Variants in XKR7 observed in about 807,000 individuals in gnomAD.
XKR7 encodes the protein XK related 7, also known as XK-related protein 7.
Under a neutral mutation model 42.2 loss-of-function variants are expected in XKR7, and 11 were observed. The observed-to-expected ratio is 0.26, with a 90% CI of 0.16 to 0.43. The LOEUF (loss-of-function observed/expected upper bound fraction) is 0.43, where lower values mean the gene tolerates loss of function less well. Ranked by LOEUF, XKR7 falls within the 20% of genes least tolerant of loss-of-function variation. The pLI, the probability that XKR7 is intolerant of heterozygous loss-of-function variation, is 1.00. For missense variants in XKR7, 710 were observed against 802.2 expected, an observed-to-expected ratio of 0.89 and a Z score of 1.39; for synonymous variants, 346 against 366.4, an observed-to-expected ratio of 0.94 and a Z score of 0.64.
chr20:31,993,234 G>A (rs1246755617), intron 1 of XKR7, among the ~76,000 whole-genome samples: 1 of 152,076 alleles, frequency 6.6e-6, no homozygotes, highest in African/African-American at 2.4e-5. Flanking sequence ...GGGAGCCGGC[G>A]GGAGTAGGGG....
In XKR7 at chr20:31,995,385, C is replaced by T; in HGVS notation, c.787+115C>T. 1 of 1,489,214 alleles carries T rather than the reference C, an allele frequency of 6.7e-7. No homozygotes were observed. The highest frequency in any genetic ancestry group is 2.4e-5 in the Admixed American group (1 of 41,624). The allele number at this position is 1,489,214 out of a possible 1,614,324, so 92.3% of individuals were successfully genotyped here. On this transcript the variant is annotated intron_variant, in intron 2 of 2. Coordinates refer to ENST00000562532, the MANE Select transcript of XKR7 (RefSeq NM_001011718.2). This position sits in a 1 kb window ranked among gnomAD's most constrained non-coding sequence, Gnocchi z 4.1. ...TCCCCACCCCAGCTCAGGGCTCACT[C>T]AGTCAGGGTTTAGGGAGGCCTGCCC... is the stretch of plus-strand genomic sequence containing the variant.
At chr20:31,973,961 G>T (rs186579470) in intron 1 of XKR7, among the ~76,000 whole-genome samples, 61 of 152,266 alleles carry the variant, frequency 4.0e-4, no homozygotes, top group African/African-American at 1.4e-3. Context: ...TTGGGAGGCC[G>T]AGGCAGGCGG....
In XKR7 at chr20:31,968,827, C is replaced by A; in HGVS notation, c.584+68C>A. The A allele has an allele frequency of 6.9e-7, 1 of 1,442,366 alleles. No homozygotes were observed. Among genetic ancestry groups the A allele is most frequent in the East Asian group, 2.5e-5 (1 of 40,254 alleles). 89.3% of individuals were successfully genotyped at this position (1,442,366 alleles called of 1,614,324 possible). A position where few individuals can be genotyped will look rare whatever the true frequency, so the allele number is the denominator to read the frequency against. On this transcript the variant is annotated intron_variant, in intron 1 of 2. Transcript: ENST00000562532. This position sits in a 1 kb window ranked among gnomAD's most constrained non-coding sequence, Gnocchi z 4.5. The stretch of plus-strand genomic sequence containing the variant: ...GGGTGGCGAAGGGCTACCTGACGTC[C>A]CAGCCCTGATCTGACCTTTCCGGGC...
intron 1 of XKR7, among the ~76,000 whole-genome samples, chr20:31,989,571 G>A (rs1364198986): frequency 4.6e-5 from 7 of 152,186 alleles, no homozygotes; most frequent in Non-Finnish European, 8.8e-5. Flanking sequence ...CAAGATGACT[G>A]TGGCCTGCAC....
At chr20:31,991,977 C>G (rs1301880145) in intron 1 of XKR7, among the ~76,000 whole-genome samples, 5 of 152,126 alleles carry the variant, frequency 3.3e-5, no homozygotes, top group African/African-American at 1.2e-4. Context: ...ATTAGCCAGG[C>G]ATGATGGCGT....
chr20:31,987,696 G>A (rs1449820169), intron 1 of XKR7, among the ~76,000 whole-genome samples: 1 of 152,158 alleles, frequency 6.6e-6, no homozygotes, highest in African/African-American at 2.4e-5. Context: ...ATCACCAAGT[G>A]GACCCAGTAT....
intron 1 of XKR7, among the ~76,000 whole-genome samples, chr20:31,986,247 A>C (rs1230515980): frequency 9.2e-6 from 1 of 108,750 alleles, no homozygotes; most frequent in Admixed American, 8.6e-5. Flanking sequence ...CAGACCACCA[A>C]GCAGACCCAG....
intron 1 of XKR7, among the ~76,000 whole-genome samples, chr20:31,974,405 G>A (rs777387348): frequency 5.9e-5 from 9 of 152,168 alleles, no homozygotes; most frequent in Non-Finnish European, 1.0e-4. Flanking sequence ...CAGAGTTAAT[G>A]GTTCAGCATC....
chr20:31,980,031 G>A (rs1047385461), intron 1 of XKR7, among the ~76,000 whole-genome samples: 6 of 151,758 alleles, frequency 4.0e-5, no homozygotes, highest in Non-Finnish European at 5.9e-5. Flanking sequence ...AAAGAGGGAC[G>A]CTGGCTGGGA....
In XKR7 at chr20:31,997,051, T is replaced by A. The variant is rs1199202821; in HGVS notation, c.1334T>A (p.Met445Lys). The A allele has an allele frequency of 6.2e-7, 1 of 1,613,900 alleles. No individual in the cohort carries two copies. Among genetic ancestry groups the A allele is most frequent in the East Asian group, 2.2e-5 (1 of 44,880 alleles). ...YYCLLHPNGP[M>K]LGPQAPGCIF... ...TGTCTCCTGCACCCCAATGGGCCCA[T>A]GCTGGGTCCCCAGGCACCTGGTTGC... The change falls in exon 3 of 3, where the codon ATG becomes AAG. Residue 445 changes from methionine (M) to lysine (K), a missense_variant. This residue lies in a region of XKR7 where 708 missense variants were observed against 786.2 expected (regional missense o/e 0.90). Transcript: ENST00000562532.
intron 1 of XKR7, among the ~76,000 whole-genome samples, chr20:31,978,870 C>T (rs891026995): frequency 2.0e-5 from 3 of 152,172 alleles, no homozygotes; most frequent in African/African-American, 4.8e-5. Flanking sequence ...CATGGTGGCT[C>T]ATGCCTGTAA....
At chr20:31,994,581 C>T (rs2064582687) in intron 1 of XKR7, among the ~76,000 whole-genome samples, 1 of 152,136 alleles carries the variant, frequency 6.6e-6, no homozygotes, top group South Asian at 2.1e-4. Flanking sequence ...TGGTACATGC[C>T]TGCAGTCCCA....
chr20:31,976,471 G>A (rs1013943385), intron 1 of XKR7, among the ~76,000 whole-genome samples: 6 of 151,656 alleles, frequency 4.0e-5, no homozygotes, highest in African/African-American at 4.9e-5. Flanking sequence ...TGCAACCTCT[G>A]CCTCCCCGGT....
intron 1 of XKR7, among the ~76,000 whole-genome samples, chr20:31,978,161 A>G (rs2064494352): frequency 1.3e-5 from 2 of 151,848 alleles, no homozygotes; most frequent in Non-Finnish European, 2.9e-5. Context: ...GCTGAAGTGC[A>G]GTGGCACGAT....
At chr20:31,993,330 A>G (rs979345369) in intron 1 of XKR7, among the ~76,000 whole-genome samples, 2 of 152,136 alleles carry the variant, frequency 1.3e-5, no homozygotes, top group African/African-American at 4.8e-5. Flanking sequence ...AGACCCAGAG[A>G]TCTGTGTGGA....
intron 1 of XKR7, among the ~76,000 whole-genome samples, chr20:31,988,827 CTG>C (rs1568888032): frequency 6.6e-6 from 1 of 152,150 alleles, no homozygotes; most frequent in Non-Finnish European, 1.5e-5. Flanking sequence ...CAGGAGGAGC[CTG>C]TGAGGTGTCC....
rs2064587649 is a variant in XKR7, at chr20:31,995,539, C to T, written c.787+269C>T. On this transcript the variant is annotated intron_variant, in intron 2 of 2. Coordinates refer to ENST00000562532, the MANE Select transcript of XKR7 (RefSeq NM_001011718.2). This position sits in a 1 kb window ranked among gnomAD's most constrained non-coding sequence, Gnocchi z 4.1. The stretch of plus-strand genomic sequence containing the variant: ...ACACCCATCAGCCCCCCTGGGCGCT[C>T]CTGCCCTCCTCCCTTCCCCGTTGCC... 6.6e-6 allele frequency among the ~76,000 whole-genome samples: 1 copy of T among 152,148 alleles called. No individual in the cohort carries two copies. Among genetic ancestry groups the T allele is most frequent in the Middle Eastern group, 3.4e-3 (1 of 294 alleles).
chr20:31,991,889 G>A (rs546248659), intron 1 of XKR7, among the ~76,000 whole-genome samples: 36 of 152,164 alleles, frequency 2.4e-4, no homozygotes, highest in Admixed American at 1.4e-3. Context: ...AGGCTGAGGC[G>A]GGTGGATCAC....
In XKR7 at chr20:31,996,933, C is replaced by T. The variant is rs753295283; in HGVS notation, c.1216C>T (p.Arg406Cys). Residue 406 changes from arginine to cysteine, a missense_variant, in exon 3 of 3, where the codon CGC becomes TGC. Physicochemically the swap from Arg to Cys is radical, Grantham distance 180 (BLOSUM62 -3). Coordinates refer to ENST00000562532, the MANE Select transcript of XKR7 (RefSeq NM_001011718.2). ...AALTGFWYSS[R>C]NFSTDFYSLI... ...GCTCACCGGCTTCTGGTACTCCAGC[C>T]GCAACTTCTCAACCGACTTCTACTC... is the stretch of plus-strand genomic sequence containing the variant. 3.1e-6 allele frequency: 5 copies of T among 1,614,070 alleles called. No homozygotes were observed. The highest frequency in any genetic ancestry group is 2.2e-5 in the East Asian group (1 of 44,868).
Sources: allele counts gnomAD v4.1 joint callset (sites outside exome capture counted in the v4.1 genomes callset), GRCh38; gene constraint gnomAD v4.1.1; regional missense constraint gnomAD v4.1.1; non-coding constraint Gnocchi (gnomAD v3.1); transcripts MANE v1.5; gene names NCBI Gene and HGNC (gene_info 2026-07-23, HGNC 2026-07-21).